EGLN3: variants seen among roughly 807,000 people sequenced by gnomAD.
The protein encoded by EGLN3 is prolyl hydroxylase EGLN3.
In EGLN3, 15 loss-of-function variants were observed where a neutral mutation model predicts 26.0. That is an observed-to-expected ratio of 0.58 (90% CI 0.39 to 0.89). EGLN3 has a LOEUF of 0.89. Ranked by LOEUF, EGLN3 falls within the 40% of genes least tolerant of loss-of-function variation. The pLI is 0.00. For synonymous variants in EGLN3, 147 were observed against 127.2 expected, an observed-to-expected ratio of 1.16 and a Z score of -1.05; for missense variants, 238 against 311.6, an observed-to-expected ratio of 0.76 and a Z score of 1.78.
chr14:33,947,053 GTTC>G (rs770162886), intron 1 of EGLN3, among the ~76,000 whole-genome samples: 4 of 152,342 alleles, frequency 2.6e-5, no homozygotes, highest in South Asian at 2.1e-4. Flanking sequence ...ATAAAAGGTA[GTTC>G]TTCTTATTAG....
In EGLN3 at chr14:33,947,293, TA is replaced by T. The variant is rs536828038; in HGVS notation, c.357+3102del. On this transcript the variant is annotated intron_variant, in intron 1 of 4. Coordinates refer to ENST00000250457, the MANE Select transcript of EGLN3 (RefSeq NM_022073.4). ...TGAAAGCAATGATCATGCTTGAAGT[TA>T]GGGGGGGCCATACAGCTGTACATTA... 3.2e-4 allele frequency among the ~76,000 whole-genome samples: 48 copies of T among 152,134 alleles called. 1 individual carries two copies. The highest frequency in any genetic ancestry group is 5.4e-4 in the Non-Finnish European group (37 of 68,012).
At chr14:33,929,400 T>G (rs904575392) in intron 2 of EGLN3, among the ~76,000 whole-genome samples, 188 bp from the exon 3 acceptor site, 1 of 152,240 alleles carries the variant, frequency 6.6e-6, no homozygotes, top group African/African-American at 2.4e-5. Context: ...TTGCCCAGGC[T>G]GGAGTGCAAT....
At chr14:33,930,137 C>T (rs141518831) in intron 2 of EGLN3, among the ~76,000 whole-genome samples, 204 of 152,302 alleles carry the variant, frequency 1.3e-3, no homozygotes, top group African/African-American at 1.9e-3. Context: ...CATAATACAA[C>T]GCCTGACACT....
At chr14:33,944,371 C>T (rs888891997) in intron 1 of EGLN3, among the ~76,000 whole-genome samples, 9 of 152,224 alleles carry the variant, frequency 5.9e-5, no homozygotes, top group Admixed American at 3.9e-4. Context: ...CTGCCCGCCT[C>T]GGCCTCCCAA....
intron 3 of EGLN3, among the ~76,000 whole-genome samples, 171 bp from the exon 4 acceptor site, chr14:33,927,204 G>A (rs2064368641): frequency 1.5e-5 from 2 of 136,098 alleles, no homozygotes; most frequent in Non-Finnish European, 1.6e-5. Context: ...TTGAGATGGA[G>A]TCTTGCTCTG....
chr14:33,931,954 C>T (rs1278578554), intron 1 of EGLN3, among the ~76,000 whole-genome samples: 7 of 152,086 alleles, frequency 4.6e-5, no homozygotes, highest in Admixed American at 1.3e-4. Flanking sequence ...AGTAGAAAAC[C>T]GTACCAAAAA....
At chr14:33,944,396 A>T (rs2064503515) in intron 1 of EGLN3, among the ~76,000 whole-genome samples, 1 of 152,140 alleles carries the variant, frequency 6.6e-6, no homozygotes, top group Non-Finnish European at 1.5e-5. Context: ...CTGGGATTAC[A>T]GGTGTGAGCC....
intron 3 of EGLN3, 110 bp downstream of exon 3, chr14:33,928,966 A>G (rs1200264765): frequency 1.1e-5 from 15 of 1,355,462 alleles, no homozygotes; most frequent in Non-Finnish European, 3.0e-6. Context: ...GCTATCAGCT[A>G]TGGGGTGTGG....
In EGLN3 at chr14:33,950,848, G is replaced by A. The variant is rs1231625008; in HGVS notation, c.-96C>T. ...AGCCGAGGCGCGGGGAGCGTGGCCC[G>A]GGGTTCAGAAACCTGCGGCTGCCAC... On this transcript the variant is annotated 5_prime_UTR_variant, in exon 1 of 5. Coordinates refer to ENST00000250457, the MANE Select transcript of EGLN3 (RefSeq NM_022073.4). The A allele has an allele frequency of 3.4e-6, 4 of 1,191,488 alleles. No individual in the cohort carries two copies. Among genetic ancestry groups the A allele is most frequent in the African/African-American group, 1.5e-5 (1 of 65,696 alleles). The allele number at this position is 1,191,488 out of a possible 1,614,324, so 73.8% of individuals were successfully genotyped here.
Position 33,926,997 on chromosome 14 carries a change from T to A in EGLN3, c.651A>T (p.Glu217Asp). 3 of 1,608,682 alleles carry A rather than the reference T, an allele frequency of 1.9e-6. No individual in the cohort carries two copies. Among genetic ancestry groups the A allele is most frequent in the Non-Finnish European group, 2.5e-6 (3 of 1,177,556 alleles). Residue 217 changes from glutamate to aspartate, a missense_variant, in exon 4 of 5, where the codon GAA becomes GAT. By Grantham distance (45) the Glu-to-Asp change is conservative (BLOSUM62 2). Transcript: ENST00000250457. ...TGAATTTCTTTTTGGCTTCTGCCCT[T>A]TCTTCAGCATCAAAGTACCAGACAG... ...AMTVWYFDAE[E>D]RAEAKKKFRN... is the part of the protein sequence containing the mutation.
chr14:33,926,027 T>A, intron 4 of EGLN3, 105 bp from the exon 5 acceptor site: 1 of 1,061,546 alleles, frequency 9.4e-7, no homozygotes, highest in Non-Finnish European at 1.4e-6. Flanking sequence ...CTTCCCATCT[T>A]ATATAAGCCT....
chr14:33,947,657 A>G (rs2064527237), intron 1 of EGLN3, among the ~76,000 whole-genome samples: 1 of 152,214 alleles, frequency 6.6e-6, no homozygotes, highest in Non-Finnish European at 1.5e-5. Context: ...GTCTAAAACA[A>G]ATGTACATAT....
rs1313208613 is a variant in EGLN3, at chr14:33,950,486, C to T, written c.267G>A (p.Glu89=). 1 of 1,613,690 alleles carries T rather than the reference C, an allele frequency of 6.2e-7. No homozygotes were observed. The highest frequency in any genetic ancestry group is 1.1e-5 in the South Asian group (1 of 91,078). ...TWIGGNEEGC[E]AISFLLSLID... ...TGAGGGACAGGAGGAAGCTGATGGC[C>T]TCGCAGCCCTCCTCGTTGCCCCCGA... The change falls in exon 1 of 5, where the codon GAG becomes GAA. Residue 89 remains glutamate (E), a synonymous_variant. Coordinates refer to ENST00000250457, the MANE Select transcript of EGLN3 (RefSeq NM_022073.4).
chr14:33,944,870 T>C (rs892240908), intron 1 of EGLN3, among the ~76,000 whole-genome samples: 2 of 152,204 alleles, frequency 1.3e-5, no homozygotes, highest in African/African-American at 2.4e-5. Context: ...TATTATCCAC[T>C]TCTCTGAAGC....
At chr14:33,940,628 G>C (rs1000058478) in intron 1 of EGLN3, among the ~76,000 whole-genome samples, 8 of 152,212 alleles carry the variant, frequency 5.3e-5, no homozygotes, top group African/African-American at 1.4e-4. Flanking sequence ...CATGTTTCCA[G>C]ATAATGGTGA....
rs971239059 is a variant in EGLN3, at chr14:33,925,277, C to T, written c.*614G>A. 2 of 152,130 alleles carry T rather than the reference C, an allele frequency of 1.3e-5. No individual in the cohort carries two copies. Among genetic ancestry groups the T allele is most frequent in the African/African-American group, 4.8e-5 (2 of 41,432 alleles). 9.4% of individuals were successfully genotyped at this position (152,130 alleles called of 1,614,324 possible). ...GCAAAATGGGGCTGAGGCAGAAAAT[C>T]CAGGTTGCAGGACTGGGAAAAAAGG... On this transcript the variant is annotated 3_prime_UTR_variant, in exon 5 of 5. Transcript: ENST00000250457.
chr14:33,929,302 T>C, intron 2 of EGLN3, 90 bp from the exon 3 acceptor site: 2 of 1,500,234 alleles, frequency 1.3e-6, no homozygotes, highest in East Asian at 4.6e-5. Context: ...ACATGCCATC[T>C]GCTAACCACC....
In EGLN3 at chr14:33,926,956, ATACTAGT is replaced by A; in HGVS notation, c.685_688+3del. ...AAAGTCACAGAAAATTATCAAACACATACTAGTTAAATTCCTGAATTTCTTTTTGGCT... is the reference window on the plus strand; with the variant it reads ...AAAGTCACAGAAAATTATCAAACACATAAATTCCTGAATTTCTTTTTGGCT... On this transcript the variant is annotated splice_donor_variant and splice_donor_region_variant and coding_sequence_variant and intron_variant, in exon 4 of 5. Coordinates refer to ENST00000250457, the MANE Select transcript of EGLN3 (RefSeq NM_022073.4). LOFTEE classifies it high-confidence loss of function. The A allele has an allele frequency of 6.2e-7, 1 of 1,600,902 alleles. No homozygotes were observed. Among genetic ancestry groups the A allele is most frequent in the Non-Finnish European group, 8.5e-7 (1 of 1,172,042 alleles).
chr14:33,947,842 G>T (rs1594386337), intron 1 of EGLN3, among the ~76,000 whole-genome samples: 2 of 152,242 alleles, frequency 1.3e-5, no homozygotes, highest in East Asian at 3.9e-4. Flanking sequence ...ATGAGGTCAA[G>T]AGATCGAGAC....
Sources: gnomAD v4.1 joint callset for allele counts (sites outside exome capture counted in the v4.1 genomes callset) on GRCh38, gnomAD v4.1.1 for gene constraint, MANE v1.5 for transcripts, NCBI Gene and HGNC (gene_info 2026-07-23, HGNC 2026-07-21) for gene names.